Variants in WIPF1 observed in about 807,000 individuals in gnomAD.
WIPF1 encodes WAS/WASL interacting protein family member 1, also known as WAS/WASL-interacting protein family member 1.
WIPF1 carries 13 observed loss-of-function variants against 35.4 expected under a neutral mutation model. The ratio of observed to expected loss-of-function variants is 0.37; its 90% confidence interval spans 0.24 to 0.58. The LOEUF is 0.58. Among genes scored for constraint, WIPF1 ranks in the 20% least tolerant of loss-of-function variants. WIPF1 has a pLI of 0.74. For synonymous variants in WIPF1, 267 were observed against 266.3 expected (o/e 1.00, Z -0.02); for missense variants, 591 against 667.0 (o/e 0.89, Z 1.25).
At chr2:174,594,009 T>C (rs892762701) in intron 1 of WIPF1, among the ~76,000 whole-genome samples, 1 of 152,164 alleles carries the variant, frequency 6.6e-6, no homozygotes, top group African/African-American at 2.4e-5. Context: ...ACCCAGTTGG[T>C]TCTTATGCAT....
At chr2:174,562,637 TAGAA>T in intron 7 of WIPF1, 35 bp from the exon 8 acceptor site, 1 of 1,612,124 alleles carries the variant, frequency 6.2e-7, no homozygotes, top group Non-Finnish European at 8.5e-7. Flanking sequence ...TAATTTTGGT[TAGAA>T]AGCTGATGTT....
chr2:174,665,713 T>G (rs1687876806), intron 1 of WIPF1: 2 of 152,234 alleles, frequency 1.3e-5, no homozygotes, highest in Admixed American at 1.3e-4. Context: ...TTGTTTCTGT[T>G]TATCTATCCT....
Position 174,561,976 on chromosome 2 carries a change from A to G in WIPF1, c.*571T>C. The stretch of plus-strand genomic sequence containing the variant: ...CATATTAACTTCACTTGTTTAAAAT[A>G]TATTAGAAATGTAAAAATTGTATAT... On this transcript the variant is annotated 3_prime_UTR_variant, in exon 8 of 8. Coordinates refer to ENST00000679041, the MANE Select transcript of WIPF1 (RefSeq NM_001375834.1). 2.3e-6 allele frequency: 3 copies of G among 1,321,886 alleles called. No individual in the cohort carries two copies. Among genetic ancestry groups the G allele is most frequent in the Non-Finnish European group, 3.1e-6 (3 of 960,716 alleles). 81.9% of individuals were successfully genotyped at this position (1,321,886 alleles called of 1,614,324 possible). A position where few individuals can be genotyped will look rare whatever the true frequency, so the allele number is the denominator to read the frequency against.
chr2:174,596,257 T>G (rs1190900520), intron 1 of WIPF1, among the ~76,000 whole-genome samples: 3 of 152,218 alleles, frequency 2.0e-5, no homozygotes, highest in Non-Finnish European at 4.4e-5. Flanking sequence ...ATAGAAAACC[T>G]GACTTAGTGA....
chr2:174,600,014 A>G (rs1014776363), upstream of WIPF1, among the ~76,000 whole-genome samples: 1 of 152,196 alleles, frequency 6.6e-6, no homozygotes, highest in South Asian at 2.1e-4. Context: ...TTAGATTCTC[A>G]TAAGGAGCTC....
rs552736090 is a variant in WIPF1 at position 174,671,820 on chromosome 2, C to T, written c.-39+10954G>A. Among the ~76,000 whole-genome samples, 7 of 152,262 alleles carry T rather than the reference C, an allele frequency of 4.6e-5. No homozygotes were observed. In the South Asian group the frequency reaches 1.5e-3, roughly 32 times the overall value. On this transcript the variant is annotated intron_variant, in intron 1 of 8. Coordinates refer to the WIPF1 transcript ENST00000272746. Reference sequence around the variant, plus strand: ...TCAGACAGGTTGTCTGCTCTCAAACCCTGTCTCCTGATGTTATCAATGACA... The same window carrying T: ...TCAGACAGGTTGTCTGCTCTCAAACTCTGTCTCCTGATGTTATCAATGACA...
intron 2 of WIPF1, among the ~76,000 whole-genome samples, chr2:174,583,155 G>C (rs1175764040): frequency 6.6e-6 from 1 of 152,156 alleles, no homozygotes; most frequent in Non-Finnish European, 1.5e-5. Flanking sequence ...CTTGTTAAAA[G>C]TTTCTCTGCT....
intron 1 of WIPF1, chr2:174,665,339 G>A (rs1309369199): frequency 6.6e-6 from 1 of 152,228 alleles, no homozygotes; most frequent in Non-Finnish European, 1.5e-5. Flanking sequence ...TTTTCTGCCT[G>A]AGCAGAATTA....
intron 1 of WIPF1, among the ~76,000 whole-genome samples, chr2:174,624,509 C>T (rs527633851): frequency 1.3e-5 from 2 of 152,334 alleles, no homozygotes; most frequent in South Asian, 4.1e-4. Flanking sequence ...CAATTTTCCC[C>T]TCCTAGACGC....
intron 1 of WIPF1, among the ~76,000 whole-genome samples, chr2:174,638,506 CCTGT>C (rs1331494586): frequency 1.3e-5 from 2 of 152,184 alleles, no homozygotes; most frequent in African/African-American, 2.4e-5. Context: ...ATTCACTCCT[CCTGT>C]CTAATTGTAA....
intron 1 of WIPF1, among the ~76,000 whole-genome samples, chr2:174,595,152 A>T (rs1354383912): frequency 7.6e-6 from 1 of 131,726 alleles, no homozygotes; most frequent in Non-Finnish European, 1.6e-5. Context: ...TTAACTGGGC[A>T]TGGTGGCACA....
intron 1 of WIPF1, among the ~76,000 whole-genome samples, chr2:174,586,988 T>C (rs1351803659): frequency 6.6e-6 from 1 of 152,180 alleles, no homozygotes; most frequent in East Asian, 1.9e-4. Context: ...ACTGCAGAAT[T>C]ATATTTCTTT....
chr2:174,589,631 G>GA (rs11317527), intron 1 of WIPF1, among the ~76,000 whole-genome samples: 1 of 151,818 alleles, frequency 6.6e-6, no homozygotes, highest in Non-Finnish European at 1.5e-5. Flanking sequence ...GAACTTGTAT[G>GA]AAAAAAAAGT....
At chr2:174,620,820 G>GT (rs1471810008) in intron 1 of WIPF1, among the ~76,000 whole-genome samples, 1 of 152,228 alleles carries the variant, frequency 6.6e-6, no homozygotes, top group Non-Finnish European at 1.5e-5. Flanking sequence ...ACAGAGGCAC[G>GT]TGAGCTGTGC....
chr2:174,674,674 A>G (rs35368253), intron 1 of WIPF1, among the ~76,000 whole-genome samples: 33,323 of 152,098 alleles, frequency 0.22, 3,966 homozygotes, highest in Middle Eastern at 0.29. Context: ...TTTTTAATGT[A>G]GAGACAGTGA....
intron 2 of WIPF1, among the ~76,000 whole-genome samples, chr2:174,583,830 G>GT (rs1033145453): frequency 3.2e-4 from 49 of 151,298 alleles, no homozygotes; most frequent in Admixed American, 3.1e-3. Context: ...TTTGTTTTTT[G>GT]TTTTTTTGCG....
At chr2:174,570,089 A>G (rs1684782048) in intron 5 of WIPF1, among the ~76,000 whole-genome samples, 1 of 152,264 alleles carries the variant, frequency 6.6e-6, no homozygotes, top group African/African-American at 2.4e-5. Flanking sequence ...ATATCACTGC[A>G]TTATCTGCAA....
chr2:174,634,486 G>A (rs921022802), intron 1 of WIPF1: 1 of 152,208 alleles, frequency 6.6e-6, no homozygotes. Flanking sequence ...GAGTGGCTAC[G>A]AAAAGTTTTC....
In WIPF1 at chr2:174,626,239, G is replaced by A. The variant is rs539242496; in HGVS notation, c.-38-40628C>T. On this transcript the variant is annotated intron_variant, in intron 1 of 8. Transcript: ENST00000272746. ...TTTTAAGCAATAAGAAGCAAAGTTC[G>A]AAACAAGAATCCTGATTCTTCACTT... Among the ~76,000 whole-genome samples the A allele has an allele frequency of 2.6e-5, 4 of 152,164 alleles. No individual in the cohort carries two copies. In the South Asian group the frequency reaches 8.3e-4, roughly 32 times the overall value.
Sources: allele counts gnomAD v4.1 joint callset (sites outside exome capture counted in the v4.1 genomes callset), GRCh38; gene constraint gnomAD v4.1.1; transcripts MANE v1.5; gene names NCBI Gene and HGNC (gene_info 2026-07-23, HGNC 2026-07-21).